KCNC1: variants seen among roughly 807,000 people sequenced by gnomAD.
KCNC1 encodes the protein voltage-gated potassium channel KCNC1.
KCNC1 carries 8 observed loss-of-function variants against 43.4 expected under a neutral mutation model. The ratio of observed to expected loss-of-function variants is 0.18; its 90% CI spans 0.11 to 0.33. The LOEUF (loss-of-function observed/expected upper bound fraction) is 0.33, where lower values mean the gene tolerates loss of function less well. Among genes scored for constraint, KCNC1 ranks in the 10% least tolerant of loss-of-function variants. The pLI is 1.00. For missense variants in KCNC1, 420 were observed against 836.0 expected (o/e 0.50, Z 6.14); for synonymous variants, 361 against 360.5 (o/e 1.00, Z -0.01).
chr11:17,740,604 G>T (rs1848827458), intron 1 of KCNC1, among the ~76,000 whole-genome samples: 1 of 152,102 alleles, frequency 6.6e-6, no homozygotes, highest in Non-Finnish European at 1.5e-5. Context: ...TCCCATCAGG[G>T]CCAATGGTGG....
In KCNC1 at chr11:17,736,470, G is replaced by A. The variant is rs200830147; in HGVS notation, c.468G>A (p.Ala156=). The A allele has an allele frequency of 2.5e-6, 4 of 1,600,144 alleles. No homozygotes were observed. Among genetic ancestry groups the A allele is most frequent in the East Asian group, 2.2e-5 (1 of 44,602 alleles). Reference sequence around the variant, plus strand: ...AGCTGGAGATGACCAAGCGCCTGGCGCTCAGTGACTCCCCGGATGGCCGGC... The same window carrying A: ...AGCTGGAGATGACCAAGCGCCTGGCACTCAGTGACTCCCCGGATGGCCGGC... ...EDELEMTKRL[A]LSDSPDGRPG... Residue 156 remains alanine, a synonymous_variant, in exon 1 of 4, where the codon GCG becomes GCA. Coordinates refer to ENST00000265969, the MANE Select transcript of KCNC1 (RefSeq NM_001112741.2). This position sits in a 1 kb window ranked among gnomAD's most constrained non-coding sequence, Gnocchi z 9.3.
rs750060730 is a variant in KCNC1, at chr11:17,773,302, C to T, written c.1504+704C>T. The T allele has an allele frequency of 8.0e-4, 788 of 985,312 alleles. 1 individual carries two copies. The highest frequency in any genetic ancestry group is 9.2e-4 in the Non-Finnish European group (765 of 829,960). The allele number at this position is 985,312 out of a possible 1,614,324, so 61.0% of individuals were successfully genotyped here. A position where few individuals can be genotyped will look rare whatever the true frequency, so the allele number is the denominator to read the frequency against. ...AGAGTTTAGCCTTTATCTTTAGGAACCTGTTGAAGTGACTCTAGCTTTCAC... is the reference window on the plus strand; with the variant it reads ...AGAGTTTAGCCTTTATCTTTAGGAATCTGTTGAAGTGACTCTAGCTTTCAC... On this transcript the variant is annotated intron_variant, in intron 2 of 3. Transcript: ENST00000265969. The surrounding 1 kb of genome is among the most constrained non-coding windows in gnomAD (Gnocchi z 4.1).
chr11:17,764,719 T>C lies in KCNC1; in HGVS notation c.571-6946T>C, dbSNP rs186149398. On this transcript the variant is annotated intron_variant, in intron 1 of 3. Transcript: ENST00000265969. ...GGGCCAGGCCTCCTTTGCCTGATGGTGCAGGCATTTATTGACAGAACAAAA... is the reference window on the plus strand; with the variant it reads ...GGGCCAGGCCTCCTTTGCCTGATGGCGCAGGCATTTATTGACAGAACAAAA... 4.3e-3 allele frequency among the ~76,000 whole-genome samples: 649 copies of C among 152,310 alleles called. 20 individuals carry two copies. Among genetic ancestry groups the C allele is most frequent in the Admixed American group, 0.035 (542 of 15,308 alleles).
intron 1 of KCNC1, among the ~76,000 whole-genome samples, chr11:17,738,149 C>A (rs1848791838): frequency 6.6e-6 from 1 of 152,098 alleles, no homozygotes; most frequent in Admixed American, 6.5e-5. Context: ...AGCTAGAGGC[C>A]AAGAAAGACT....
chr11:17,767,914 C>T (rs1430836020), intron 1 of KCNC1, among the ~76,000 whole-genome samples: 1 of 152,206 alleles, frequency 6.6e-6, no homozygotes, highest in Admixed American at 6.5e-5. Flanking sequence ...CCATTGGTCC[C>T]TGAGAAACAA....
chr11:17,752,131 G>C (rs546460454), intron 1 of KCNC1, among the ~76,000 whole-genome samples: 3 of 152,210 alleles, frequency 2.0e-5, no homozygotes, highest in Non-Finnish European at 4.4e-5. Context: ...CCAGTGAAGG[G>C]ACCACAGGCA....
intron 1 of KCNC1, among the ~76,000 whole-genome samples, chr11:17,769,349 A>T (rs952307242): frequency 1.3e-5 from 2 of 151,964 alleles, no homozygotes; most frequent in African/African-American, 4.8e-5. Context: ...GGACACAGGA[A>T]AGAGGGAGGG....
chr11:17,748,270 G>T (rs191089441), intron 1 of KCNC1, among the ~76,000 whole-genome samples: 1 of 152,306 alleles, frequency 6.6e-6, no homozygotes, highest in Non-Finnish European at 1.5e-5. Flanking sequence ...CACCTGGGCA[G>T]CAGAGGAAGT....
chr11:17,750,994 T>C (rs1848962824), intron 1 of KCNC1, among the ~76,000 whole-genome samples: 1 of 152,200 alleles, frequency 6.6e-6, no homozygotes, highest in Non-Finnish European at 1.5e-5. Flanking sequence ...TGTTACATAA[T>C]AGGGAATCAA....
chr11:17,781,821 A>T lies in KCNC1; in HGVS notation c.*87A>T. 2 of 943,704 alleles carry T rather than the reference A, an allele frequency of 2.1e-6. No individual in the cohort carries two copies. Among genetic ancestry groups the T allele is most frequent in the Non-Finnish European group, 3.3e-6 (2 of 601,460 alleles). The allele number at this position is 943,704 out of a possible 1,614,324, so 58.5% of individuals were successfully genotyped here. ...CCTCACCCTCGGACAGAGTAAATTC[A>T]CGCCATGCAGGTTTGCCGGACGAGT... On this transcript the variant is annotated 3_prime_UTR_variant, in exon 4 of 4. Transcript: ENST00000265969. This position sits in a 1 kb window ranked among gnomAD's most constrained non-coding sequence, Gnocchi z 5.1.
chr11:17,779,768 G>A lies in KCNC1; in HGVS notation c.1693+124G>A. 1 of 760,466 alleles carries A rather than the reference G, an allele frequency of 1.3e-6. No individual in the cohort carries two copies. Among genetic ancestry groups the A allele is most frequent in the Non-Finnish European group, 2.0e-6 (1 of 512,468 alleles). 47.1% of individuals were successfully genotyped at this position (760,466 alleles called of 1,614,324 possible). ...CAGGCACACCGAGGGGGGCAAGGAT[G>A]GAGGGAATCTCCCAGGGTCGGCCCC... On this transcript the variant is annotated intron_variant, in intron 3 of 3. Coordinates refer to ENST00000265969, the MANE Select transcript of KCNC1 (RefSeq NM_001112741.2). This position sits in a 1 kb window ranked among gnomAD's most constrained non-coding sequence, Gnocchi z 7.2.
At position 17,776,885 on chromosome 11, in the gene KCNC1, A is replaced by G; in HGVS notation, c.1505-2571A>G. 2.0e-6 allele frequency: 2 copies of G among 985,412 alleles called. No individual in the cohort carries two copies. Among genetic ancestry groups the G allele is most frequent in the Non-Finnish European group, 1.2e-6 (1 of 830,002 alleles). 61.0% of individuals were successfully genotyped at this position (985,412 alleles called of 1,614,324 possible). On this transcript the variant is annotated intron_variant, in intron 2 of 3. Coordinates refer to ENST00000265969, the MANE Select transcript of KCNC1 (RefSeq NM_001112741.2). This position sits in a 1 kb window ranked among gnomAD's most constrained non-coding sequence, Gnocchi z 4.4. ...CCAGTTTCTGAAAGCATCTTAAACC[A>G]TAGATAGACGAACAGCCCAGGGGCC...
chr11:17,736,444 G>A lies in KCNC1; in HGVS notation c.442G>A (p.Glu148Lys), dbSNP rs2133774452. The change falls in exon 1 of 4, where the codon GAG becomes AAG. Residue 148 changes from glutamate to lysine, a missense_variant. Transcript: ENST00000265969. The surrounding 1 kb of genome is among the most constrained non-coding windows in gnomAD (Gnocchi z 9.3). ...TGGCGACTCGGGCGACGGCGAGGAC[G>A]AGCTGGAGATGACCAAGCGCCTGGC... ...GPGDSGDGED[E>K]LEMTKRLALS... 2 of 1,605,148 alleles carry A rather than the reference G, an allele frequency of 1.2e-6. No homozygotes were observed. The highest frequency in any genetic ancestry group is 1.7e-6 in the Non-Finnish European group (2 of 1,178,078).
chr11:17,747,974 A>G (rs1848920361), intron 1 of KCNC1, among the ~76,000 whole-genome samples: 1 of 152,246 alleles, frequency 6.6e-6, no homozygotes, highest in African/African-American at 2.4e-5. Context: ...TTTCCCTGCC[A>G]GGGGCTGCTG....
chr11:17,773,443 A>C lies in KCNC1; in HGVS notation c.1504+845A>C. 1.0e-6 allele frequency: 1 copy of C among 984,906 alleles called. No homozygotes were observed. The highest frequency in any genetic ancestry group is 1.2e-6 in the Non-Finnish European group (1 of 829,838). The allele number at this position is 984,906 out of a possible 1,614,324, so 61.0% of individuals were successfully genotyped here. A position where few individuals can be genotyped will look rare whatever the true frequency, so the allele number is the denominator to read the frequency against. ...TGGGCAGCTTAGATGAAAGCGCTAC[A>C]GACCAGCAACAGCCTCCCACCGAGG... is the stretch of plus-strand genomic sequence containing the variant. On this transcript the variant is annotated intron_variant, in intron 2 of 3. Coordinates refer to ENST00000265969, the MANE Select transcript of KCNC1 (RefSeq NM_001112741.2). This position sits in a 1 kb window ranked among gnomAD's most constrained non-coding sequence, Gnocchi z 4.1.
chr11:17,736,789 T>A lies in KCNC1; in HGVS notation c.570+217T>A, dbSNP rs894899818. On this transcript the variant is annotated intron_variant, in intron 1 of 3. Coordinates refer to ENST00000265969, the MANE Select transcript of KCNC1 (RefSeq NM_001112741.2). This position sits in a 1 kb window ranked among gnomAD's most constrained non-coding sequence, Gnocchi z 9.3. ...AGTCTGTGTGTTGCCAAGTTTAATA[T>A]GTATGAGTATGAATGGGTGTGTTTG... Among the ~76,000 whole-genome samples the A allele has an allele frequency of 1.3e-5, 2 of 152,190 alleles. No homozygotes were observed. Among genetic ancestry groups the A allele is most frequent in the African/African-American group, 4.8e-5 (2 of 41,450 alleles).
chr11:17,779,151 G>GC lies in KCNC1; in HGVS notation c.1505-302dup, dbSNP rs1849318724. 3.6e-6 allele frequency: 1 copy of GC among 274,474 alleles called. No individual in the cohort carries two copies. Among genetic ancestry groups the GC allele is most frequent in the Non-Finnish European group, 6.8e-6 (1 of 146,424 alleles). 17.0% of individuals were successfully genotyped at this position (274,474 alleles called of 1,614,324 possible). On this transcript the variant is annotated intron_variant, in intron 2 of 3. Coordinates refer to ENST00000265969, the MANE Select transcript of KCNC1 (RefSeq NM_001112741.2). The surrounding 1 kb of genome is among the most constrained non-coding windows in gnomAD (Gnocchi z 7.2). ...TCCTGTTTCATCGGCCCTGCTTGGG[G>GC]CCCGGGGCCGGCCCCCAGCACCACA...
chr11:17,763,744 ACACACC>A (rs1160012068), intron 1 of KCNC1, among the ~76,000 whole-genome samples: 5 of 134,756 alleles, frequency 3.7e-5, no homozygotes, highest in Non-Finnish European at 7.9e-5. Context: ...ATGTTCATAT[ACACACC>A]CACACCCACA....
rs985733266 is a variant in KCNC1 at position 17,782,772 on chromosome 11, C to T, written c.*1038C>T. ...AGCAGATTTGTTTTCCTGAAGCAGT[C>T]GGAGGTTTGCAGAGACACACTTCTG... On this transcript the variant is annotated 3_prime_UTR_variant, in exon 4 of 4. Transcript: ENST00000265969. The T allele has an allele frequency of 2.6e-5, 4 of 151,926 alleles. No homozygotes were observed. Among genetic ancestry groups the T allele is most frequent in the African/African-American group, 9.7e-5 (4 of 41,346 alleles). The allele number at this position is 151,926 out of a possible 1,614,324, so 9.4% of individuals were successfully genotyped here. A position where few individuals can be genotyped will look rare whatever the true frequency, so the allele number is the denominator to read the frequency against.
Sources: allele counts gnomAD v4.1 joint callset (sites outside exome capture counted in the v4.1 genomes callset), GRCh38; gene constraint gnomAD v4.1.1; non-coding constraint Gnocchi (gnomAD v3.1); transcripts MANE v1.5; gene names NCBI Gene and HGNC (gene_info 2026-07-23, HGNC 2026-07-21).